The following TASP1 variants were observed in gnomAD, a reference collection of about 807,000 sequenced individuals.
TASP1 encodes taspase 1.
Under a neutral mutation model 56.6 loss-of-function variants are expected in TASP1, and 16 were observed. That is an observed-to-expected ratio of 0.28 (90% CI 0.19 to 0.43). The LOEUF is 0.43. Ranked by LOEUF, TASP1 falls within the 20% of genes least tolerant of loss-of-function variation. The probability of loss-of-function intolerance (pLI) is 1.00; values close to 1 mark genes in which losing one functional copy is unlikely to be tolerated. For synonymous variants in TASP1, 179 were observed against 184.2 expected (o/e 0.97, Z 0.23); for missense variants, 393 against 511.6 (o/e 0.77, Z 2.24).
At chr20:13,312,884 C>T in the TASP1 span, among the ~76,000 whole-genome samples, 4 of 152,138 alleles carry the variant, frequency 2.6e-5, no homozygotes, top group African/African-American at 9.7e-5. Context: ...CTTCTTTTCC[C>T]CACTTTTTAT....
At chr20:13,378,753 G>A in the TASP1 span, among the ~76,000 whole-genome samples, 1 of 152,116 alleles carries the variant, frequency 6.6e-6, no homozygotes, top group Non-Finnish European at 1.5e-5. Context: ...GAATCTGGGT[G>A]CTCCTGTATT....
the TASP1 span, among the ~76,000 whole-genome samples, chr20:13,350,476 T>G: frequency 6.6e-6 from 1 of 152,132 alleles, no homozygotes; most frequent in African/African-American, 2.4e-5. Flanking sequence ...AATCACATTA[T>G]ACAATTTTAA....
At chr20:13,168,120 G>T in the TASP1 span, 2 of 150,864 alleles carry the variant, frequency 1.3e-5, no homozygotes, top group African/African-American at 4.9e-5. Flanking sequence ...TCAGTTTTCT[G>T]TATCATTCCC....
At chr20:13,371,677 GT>G in the TASP1 span, among the ~76,000 whole-genome samples, 2 of 152,074 alleles carry the variant, frequency 1.3e-5, no homozygotes, top group African/African-American at 4.8e-5. Context: ...TGTGTATACT[GT>G]TGTTCAAGTC....
the TASP1 span, among the ~76,000 whole-genome samples, chr20:13,183,295 C>G: frequency 6.6e-6 from 1 of 152,128 alleles, no homozygotes; most frequent in Admixed American, 6.6e-5. Flanking sequence ...TGAATCCATC[C>G]TAGACCATCC....
the TASP1 span, among the ~76,000 whole-genome samples, chr20:13,105,914 G>C: frequency 6.6e-6 from 1 of 152,160 alleles, no homozygotes; most frequent in Admixed American, 6.5e-5. Context: ...CAAGTCGCAA[G>C]GTTTTCTTCA....
chr20:13,623,608 T>C (rs957160336), intron 3 of TASP1, 94 bp from the exon 4 acceptor site: 34 of 983,678 alleles, frequency 3.5e-5, no homozygotes, highest in Non-Finnish European at 5.2e-5. Flanking sequence ...CTTAGATTAA[T>C]AAAAATTGAC....
chr20:13,245,808 A>G, the TASP1 span, among the ~76,000 whole-genome samples: 1 of 152,156 alleles, frequency 6.6e-6, no homozygotes, highest in African/African-American at 2.4e-5. Flanking sequence ...CCATGACTCA[A>G]AACAGATACT....
chr20:13,422,292 T>C (rs901687391), intron 12 of TASP1, among the ~76,000 whole-genome samples: 8 of 152,188 alleles, frequency 5.3e-5, no homozygotes, highest in Non-Finnish European at 1.2e-4. Context: ...CAAGAAGGGT[T>C]TAACGTTTTC....
the TASP1 span, among the ~76,000 whole-genome samples, chr20:13,144,756 TG>T: frequency 9.5e-4 from 1 of 1,054 alleles, no homozygotes; most frequent in African/African-American, 0.014. Flanking sequence ...GTCTACTATG[TG>T]TGTGTGTGTG....
chr20:13,109,732 C>T, the TASP1 span, among the ~76,000 whole-genome samples: 111 of 152,290 alleles, frequency 7.3e-4, no homozygotes, highest in African/African-American at 2.6e-3. Context: ...CATGTCTACA[C>T]GATTGATGAG....
chr20:13,127,228 G>A, the TASP1 span, among the ~76,000 whole-genome samples: 1 of 152,202 alleles, frequency 6.6e-6, no homozygotes, highest in Non-Finnish European at 1.5e-5. Context: ...GCTAAACTGT[G>A]CTACTTTGCT....
chr20:13,614,649 G>A (rs1197135645), intron 4 of TASP1: 1 of 338,180 alleles, frequency 3.0e-6, no homozygotes, highest in Non-Finnish European at 5.9e-6. Context: ...ACATAATTAA[G>A]CAGAAAAATG....
chr20:13,197,581 T>A, the TASP1 span, among the ~76,000 whole-genome samples: 1 of 152,362 alleles, frequency 6.6e-6, no homozygotes, highest in African/African-American at 2.4e-5. Context: ...TAGATTTGCC[T>A]GTCTGAATAC....
intron 4 of TASP1, among the ~76,000 whole-genome samples, chr20:13,599,002 G>A (rs771578978): frequency 9.9e-5 from 15 of 152,166 alleles, no homozygotes; most frequent in South Asian, 8.3e-4. Context: ...CAATTAGAAC[G>A]GCGATCATTA....
chr20:13,371,248 G>C, the TASP1 span, among the ~76,000 whole-genome samples: 5 of 152,140 alleles, frequency 3.3e-5, no homozygotes, highest in African/African-American at 1.2e-4. Context: ...TCTTAAGGTA[G>C]AATGTTTGGT....
intron 13 of TASP1, 151 bp downstream of exon 13, chr20:13,417,297 A>G (rs924690621): frequency 4.3e-5 from 30 of 696,100 alleles, no homozygotes; most frequent in Non-Finnish European, 5.1e-5. Flanking sequence ...AGCTGTTAGC[A>G]TTGTTAACTG....
intron 6 of TASP1, among the ~76,000 whole-genome samples, chr20:13,571,452 GC>G (rs1342138670): frequency 6.6e-6 from 1 of 152,170 alleles, no homozygotes; most frequent in Non-Finnish European, 1.5e-5. Context: ...AAAGGTTCAC[GC>G]CAATCTACTT....
the TASP1 span, among the ~76,000 whole-genome samples, chr20:13,169,490 A>G: frequency 4.6e-5 from 7 of 152,146 alleles, no homozygotes; most frequent in Non-Finnish European, 1.0e-4. Context: ...GCCTCAGCCA[A>G]TTCCATGGAA....
Sources: allele counts gnomAD v4.1 joint callset (sites outside exome capture counted in the v4.1 genomes callset), GRCh38; gene constraint gnomAD v4.1.1; transcripts MANE v1.5; gene names NCBI Gene and HGNC (gene_info 2026-07-23, HGNC 2026-07-21).